CTNND2: variants seen among roughly 807,000 people sequenced by gnomAD.
CTNND2 encodes catenin delta 2.
In CTNND2, 22 loss-of-function variants were observed where a neutral mutation model predicts 144.4. The ratio of observed to expected loss-of-function variants is 0.15; its 90% confidence interval spans 0.11 to 0.22. CTNND2 has a LOEUF of 0.22. CTNND2 is among the 10% of genes least tolerant of loss of function. The probability of loss-of-function intolerance (pLI) is 1.00; values close to 1 mark genes in which losing one functional copy is unlikely to be tolerated. For synonymous variants in CTNND2, 751 were observed against 695.6 expected, an observed-to-expected ratio of 1.08 and a Z score of -1.25; for missense variants, 1,353 against 1,618.8, an observed-to-expected ratio of 0.84 and a Z score of 2.82.
At chr5:11,539,788 C>T (rs531726634) in intron 3 of CTNND2, among the ~76,000 whole-genome samples, 5 of 152,288 alleles carry the variant, frequency 3.3e-5, no homozygotes, top group African/African-American at 1.2e-4. Flanking sequence ...AATCCCAGCA[C>T]TTTGGGAGGC....
At chr5:11,196,622 T>C (rs1443022477) in intron 11 of CTNND2, among the ~76,000 whole-genome samples, 1 of 152,250 alleles carries the variant, frequency 6.6e-6, no homozygotes, top group Non-Finnish European at 1.5e-5. Context: ...ACAAAAGACG[T>C]GAAGCCAGCC....
intron 1 of CTNND2, among the ~76,000 whole-genome samples, chr5:11,767,672 C>T (rs553469248): frequency 4.6e-5 from 7 of 152,092 alleles, no homozygotes; most frequent in East Asian, 1.9e-4. Context: ...GACTGGCATA[C>T]GGCACCATTC....
intron 2 of CTNND2, among the ~76,000 whole-genome samples, chr5:11,662,875 AG>A (rs1396561634): frequency 1.3e-5 from 2 of 152,182 alleles, no homozygotes; most frequent in Non-Finnish European, 2.9e-5. Flanking sequence ...GGTGTCGAAA[AG>A]GCTGGAGATT....
chr5:11,097,469 C>T (rs1313795977), intron 15 of CTNND2, among the ~76,000 whole-genome samples: 2 of 152,262 alleles, frequency 1.3e-5, no homozygotes, highest in East Asian at 3.9e-4. Context: ...TGGCATGGGG[C>T]AGCGGCTAGC....
intron 3 of CTNND2, among the ~76,000 whole-genome samples, chr5:11,449,139 A>G (rs1765091858): frequency 6.6e-6 from 1 of 152,134 alleles, no homozygotes; most frequent in African/African-American, 2.4e-5. Context: ...TCAAAACACA[A>G]TTTATTTTTC....
At chr5:11,461,512 C>T (rs901830527) in intron 3 of CTNND2, among the ~76,000 whole-genome samples, 12 of 152,124 alleles carry the variant, frequency 7.9e-5, no homozygotes, top group Non-Finnish European at 1.6e-4. Context: ...TTCATGAACT[C>T]GGTGGTAGAC....
chr5:11,082,544 T>C (rs1439035545), intron 16 of CTNND2, 152 bp downstream of exon 16: 2 of 829,516 alleles, frequency 2.4e-6, no homozygotes, highest in South Asian at 3.9e-5. Flanking sequence ...GCAGTGGATT[T>C]AAATCAGAAG....
chr5:11,596,901 GCAAT>G (rs2126306023), intron 2 of CTNND2, among the ~76,000 whole-genome samples: 1 of 152,154 alleles, frequency 6.6e-6, no homozygotes, highest in Non-Finnish European at 1.5e-5. Context: ...TAAATATTTG[GCAAT>G]CAATCTTTCA....
At chr5:11,794,542 C>A (rs1286109578) in intron 1 of CTNND2, among the ~76,000 whole-genome samples, 1 of 152,088 alleles carries the variant, frequency 6.6e-6, no homozygotes, top group Non-Finnish European at 1.5e-5. Flanking sequence ...TCTGTAGACT[C>A]TTCTTTGTTT....
rs529124860 is a variant in CTNND2 at position 11,070,441 on chromosome 5, T to A, written c.2788+12255A>T. On this transcript the variant is annotated intron_variant, in intron 16 of 21. Coordinates refer to ENST00000304623, the MANE Select transcript of CTNND2 (RefSeq NM_001332.4). ...TAAAGCACAAAGTGAAAAAGAACAA[T>A]AAAAAAATCTTAAACTGAAGATCTA... Among the ~76,000 whole-genome samples the A allele has an allele frequency of 1.1e-4, 16 of 151,958 alleles. 1 individual carries two copies. The highest frequency in any genetic ancestry group is 8.5e-4 in the Admixed American group (13 of 15,274).
In CTNND2 at chr5:11,000,672, C is replaced by T. The variant is rs995436788; in HGVS notation, c.3085-7995G>A. Reference sequence around the variant, plus strand: ...TACTTGGCTTGCTAACCCTGGGTGTCTCAGCAGATAGAGAGGTGGAATTAG... The same window carrying T: ...TACTTGGCTTGCTAACCCTGGGTGTTTCAGCAGATAGAGAGGTGGAATTAG... On this transcript the variant is annotated intron_variant, in intron 18 of 21. Transcript: ENST00000304623. Among the ~76,000 whole-genome samples, 6 of 152,322 alleles carry T rather than the reference C, an allele frequency of 3.9e-5. No homozygotes were observed. The South Asian group carries it at 1.2e-3, about 32-fold the overall frequency.
chr5:11,819,459 A>C (rs930700830), intron 1 of CTNND2, among the ~76,000 whole-genome samples: 7 of 152,142 alleles, frequency 4.6e-5, no homozygotes, highest in Middle Eastern at 3.4e-3. Flanking sequence ...ACAGACAGAC[A>C]GACCTCTTTT....
intron 9 of CTNND2, among the ~76,000 whole-genome samples, chr5:11,313,832 C>G (rs956882907): frequency 1.3e-5 from 2 of 152,140 alleles, no homozygotes; most frequent in Non-Finnish European, 2.9e-5. Flanking sequence ...CCTCAGGAAA[C>G]TTACACTCAT....
At chr5:11,141,808 C>T (rs1756757969) in intron 12 of CTNND2, among the ~76,000 whole-genome samples, 1 of 152,168 alleles carries the variant, frequency 6.6e-6, no homozygotes, top group African/African-American at 2.4e-5. Context: ...TTGCCTGTTG[C>T]TATAGTTTGA....
chr5:11,828,938 A>G (rs545513896), intron 1 of CTNND2, among the ~76,000 whole-genome samples: 1 of 152,188 alleles, frequency 6.6e-6, no homozygotes, highest in Non-Finnish European at 1.5e-5. Flanking sequence ...AAGTCCAGGC[A>G]GAGGTGGTCT....
At position 11,397,095 on chromosome 5, in the gene CTNND2, G is replaced by T. The variant is rs1581107754; in HGVS notation, c.548C>A (p.Thr183Asn). 1 of 1,614,140 alleles carries T rather than the reference G, an allele frequency of 6.2e-7. No homozygotes were observed. The highest frequency in any genetic ancestry group is 8.5e-7 in the Non-Finnish European group (1 of 1,180,040). The change falls in exon 6 of 22, where the codon ACC becomes AAC. Residue 183 changes from threonine to asparagine, a missense_variant. Around this residue, in one of 4 missense-constraint regions of CTNND2, gnomAD observed 708 missense variants for 706.4 expected, o/e 1.00. Transcript: ENST00000304623. Reference protein sequence around the residue: ...HSNQTLALGETTPSQLPARGT... With the variant: ...HSNQTLALGENTPSQLPARGT... ...TCGGGCCGGGAGCTGTGAAGGGGTG[G>T]TTTCCCCCAGGGCCAGGGTCTGGTT...
chr5:11,129,176 T>TAAA (rs376665965), intron 12 of CTNND2, among the ~76,000 whole-genome samples: 5 of 24,610 alleles, frequency 2.0e-4, no homozygotes, highest in African/African-American at 4.4e-4. Flanking sequence ...ATATTATATA[T>TAAA]TTTATATATA....
At chr5:11,367,545 C>G (rs139319068) in intron 7 of CTNND2, among the ~76,000 whole-genome samples, 1 of 152,218 alleles carries the variant, frequency 6.6e-6, no homozygotes, top group East Asian at 1.9e-4. Flanking sequence ...TCATTATGGT[C>G]TATTTGAAAG....
At chr5:11,507,747 T>C (rs1771202295) in intron 3 of CTNND2, among the ~76,000 whole-genome samples, 1 of 152,166 alleles carries the variant, frequency 6.6e-6, no homozygotes, top group Admixed American at 6.5e-5. Context: ...GACAAGTGGC[T>C]GTGAACAGCA....
Sources: gnomAD v4.1 joint callset for allele counts (sites outside exome capture counted in the v4.1 genomes callset) on GRCh38, gnomAD v4.1.1 for gene constraint, gnomAD v4.1.1 regional missense constraint, MANE v1.5 for transcripts, NCBI Gene and HGNC (gene_info 2026-07-23, HGNC 2026-07-21) for gene names.